The following DMD variants were observed in gnomAD, a reference collection of about 807,000 sequenced individuals.
DMD encodes the protein mutant dystrophin.
A neutral mutation model predicts 330.1 loss-of-function variants in DMD; 63 were observed. The observed-to-expected ratio is 0.19, with a 90% confidence interval of 0.16 to 0.24. The LOEUF is 0.24. Among genes scored for constraint, DMD ranks in the 10% least tolerant of loss-of-function variants. DMD has a pLI of 1.00. For synonymous variants in DMD, 1,223 were observed against 959.8 expected (o/e 1.27, Z -5.07); for missense variants, 3,344 against 2,684.1 (o/e 1.25, Z -5.43).
chrX:32,941,922 C>T (rs762489909), intron 2 of DMD, among the ~76,000 whole-genome samples: 36 of 111,925 alleles, frequency 3.2e-4, no homozygotes, highest in Non-Finnish European at 5.6e-4. Context: ...TCCAGCTTTA[C>T]AACAAGTTTC....
chrX:31,123,646 GACTA>G (rs1027283665), intron 78 of DMD, among the ~76,000 whole-genome samples: 5 of 112,033 alleles, frequency 4.5e-5, no homozygotes, highest in South Asian at 3.7e-4. Context: ...AAGATAGATG[GACTA>G]ACTGCCAATT....
intron 44 of DMD, among the ~76,000 whole-genome samples, chrX:32,077,154 G>A (rs1278814172): frequency 9.0e-6 from 1 of 111,147 alleles, no homozygotes; most frequent in Non-Finnish European, 1.9e-5. Flanking sequence ...GGGGTAGCAC[G>A]GAGAGACTGA....
chrX:33,145,565 A>G (rs73190224), intron 1 of DMD, among the ~76,000 whole-genome samples: 1 of 110,365 alleles, frequency 9.1e-6, no homozygotes, highest in South Asian at 3.8e-4. Context: ...ATCATTGAAG[A>G]TCTGAGTTTC....
chrX:31,154,439 C>G (rs2076830202), intron 74 of DMD, among the ~76,000 whole-genome samples: 1 of 108,187 alleles, frequency 9.2e-6, no homozygotes, highest in South Asian at 4.2e-4. Context: ...ACTACAGGTG[C>G]CCGCCACCAC....
chrX:33,236,798 C>A (rs1297527019), intron 1 of DMD, among the ~76,000 whole-genome samples: 1 of 111,343 alleles, frequency 9.0e-6, no homozygotes, highest in East Asian at 2.8e-4. Flanking sequence ...TCTCTCCTAG[C>A]AAAAACTCCC....
At chrX:32,084,071 A>AT (rs200064287) in intron 44 of DMD, among the ~76,000 whole-genome samples, 1,421 of 111,284 alleles carry the variant, frequency 0.013, 22 homozygotes, top group African/African-American at 0.043. Context: ...TTTTGTCAAG[A>AT]TTTTTTTTTA....
intron 26 of DMD, among the ~76,000 whole-genome samples, chrX:32,452,016 T>G: frequency 9.1e-6 from 1 of 109,645 alleles, no homozygotes; most frequent in Non-Finnish European, 1.9e-5. Flanking sequence ...TTTTAAAAAT[T>G]TGAGACAGTT....
intron 7 of DMD, among the ~76,000 whole-genome samples, chrX:32,739,685 G>C (rs779590081): frequency 8.9e-6 from 1 of 111,748 alleles, no homozygotes; most frequent in Non-Finnish European, 1.9e-5. Context: ...ACCATGGACA[G>C]TCGAAAGTAC....
chrX:32,383,240 C>T (rs1257586717), intron 33 of DMD, among the ~76,000 whole-genome samples: 3 of 110,603 alleles, frequency 2.7e-5, no homozygotes, highest in Non-Finnish European at 5.7e-5. Context: ...CTTGCACTCC[C>T]AGACTCCACA....
Position 33,129,325 on chromosome X carries a change from CTTTTTTTT to C in DMD, c.31+81949_31+81956del, listed in dbSNP as rs58505662. Among the ~76,000 whole-genome samples the C allele has an allele frequency of 6.5e-4, 20 of 30,720 alleles. 1 individual carries two copies. The highest frequency in any genetic ancestry group is 2.0e-3 in the Admixed American group (3 of 1,531). The allele number at this position is 30,720 out of a possible 115,157, so 26.7% of individuals were successfully genotyped here. On this transcript the variant is annotated intron_variant, in intron 1 of 78. Transcript: ENST00000357033. Reference sequence around the variant, plus strand: ...AATCCAGAGTTACAGTTAAGGTTTGCTTTTTTTTTTTTTTTTTTTTTTTTTTTTTTTAG... The same window carrying C: ...AATCCAGAGTTACAGTTAAGGTTTGCTTTTTTTTTTTTTTTTTTTTTTTAG...
chrX:31,210,039 A>G (rs759785139), intron 64 of DMD, among the ~76,000 whole-genome samples: 39 of 111,603 alleles, frequency 3.5e-4, no homozygotes, highest in African/African-American at 1.3e-3. Context: ...CACCTGAATA[A>G]GAAAAAAAAA....
chrX:32,672,437 G>T (rs1401852296), intron 9 of DMD, among the ~76,000 whole-genome samples: 1 of 110,836 alleles, frequency 9.0e-6, no homozygotes, highest in Non-Finnish European at 1.9e-5. Flanking sequence ...TTAAATCATG[G>T]GAAAACACTG....
chrX:31,673,805 A>G (rs758812465), intron 53 of DMD, among the ~76,000 whole-genome samples: 7 of 111,451 alleles, frequency 6.3e-5, no homozygotes, highest in Non-Finnish European at 1.9e-5. Context: ...AAATATTTAT[A>G]TAATATAATA....
At chrX:32,924,112 T>C (rs2088730058) in intron 2 of DMD, among the ~76,000 whole-genome samples, 1 of 112,118 alleles carries the variant, frequency 8.9e-6, no homozygotes, top group Non-Finnish European at 1.9e-5. Context: ...CAAAAGATTC[T>C]ATTGATATTG....
intron 2 of DMD, among the ~76,000 whole-genome samples, chrX:32,922,168 T>A (rs996061902): frequency 2.8e-5 from 3 of 106,422 alleles, no homozygotes; most frequent in African/African-American, 1.1e-4. Flanking sequence ...TTGAAAGCCC[T>A]GACATGATTT....
intron 25 of DMD, among the ~76,000 whole-genome samples, chrX:32,459,502 T>C (rs1257000734): frequency 1.8e-5 from 2 of 111,297 alleles, no homozygotes; most frequent in Non-Finnish European, 3.8e-5. Context: ...CTCGTTTATA[T>C]GCCCAGTTTG....
intron 9 of DMD, among the ~76,000 whole-genome samples, chrX:32,662,989 T>C (rs1234415728): frequency 8.9e-6 from 1 of 112,320 alleles, no homozygotes. Context: ...TTTTAGCATG[T>C]AATTGACCAT....
intron 40 of DMD, 200 bp downstream of exon 40, chrX:32,342,934 A>G: frequency 2.1e-6 from 1 of 484,141 alleles, no homozygotes; most frequent in South Asian, 2.7e-5. Context: ...AGTCTAAAAC[A>G]TTTTATTCAT....
chrX:32,186,518 A>C (rs1321220637), intron 44 of DMD, among the ~76,000 whole-genome samples: 2 of 111,871 alleles, frequency 1.8e-5, no homozygotes, highest in African/African-American at 6.5e-5. Context: ...AAATGATTTA[A>C]TTTGTATTTT....
Sources: gnomAD v4.1 joint callset for allele counts (sites outside exome capture counted in the v4.1 genomes callset) on GRCh38, gnomAD v4.1.1 for gene constraint, MANE v1.5 for transcripts, NCBI Gene and HGNC (gene_info 2026-07-23, HGNC 2026-07-21) for gene names.